GABRB1: variants seen among roughly 807,000 people sequenced by gnomAD.
GABRB1 encodes the protein gamma-aminobutyric acid receptor subunit beta-1.
A neutral mutation model predicts 51.6 loss-of-function variants in GABRB1; 17 were observed. That is an observed-to-expected ratio of 0.33 (90% CI 0.23 to 0.49). The LOEUF is 0.49. GABRB1 is among the 20% of genes least tolerant of loss of function. GABRB1 has a pLI of 0.99. For missense variants in GABRB1, 410 were observed against 600.6 expected (o/e 0.68, Z 3.32); for synonymous variants, 247 against 218.9 (o/e 1.13, Z -1.14).
intron 3 of GABRB1, among the ~76,000 whole-genome samples, chr4:47,157,414 A>C (rs1717754322): frequency 6.6e-6 from 1 of 152,172 alleles, no homozygotes; most frequent in Admixed American, 6.5e-5. Flanking sequence ...TTTCTACCTA[A>C]AAATAGAATC....
chr4:47,342,779 T>A (rs1192173714), intron 5 of GABRB1, among the ~76,000 whole-genome samples: 1 of 152,072 alleles, frequency 6.6e-6, no homozygotes, highest in Non-Finnish European at 1.5e-5. Flanking sequence ...TAAAGCAGCA[T>A]ATTAGATCCA....
At chr4:47,208,668 G>C (rs1354039511) in intron 4 of GABRB1, among the ~76,000 whole-genome samples, 1 of 152,050 alleles carries the variant, frequency 6.6e-6, no homozygotes, top group Non-Finnish European at 1.5e-5. Context: ...ATCAATAGTT[G>C]TGAAAGGCTC....
chr4:47,181,833 T>C (rs1333689354), intron 4 of GABRB1, among the ~76,000 whole-genome samples: 2 of 152,084 alleles, frequency 1.3e-5, no homozygotes, highest in Admixed American at 1.3e-4. Flanking sequence ...AGAATTTTCC[T>C]GCAAGCATCA....
At chr4:47,044,542 G>A (rs1726002281) in intron 3 of GABRB1, among the ~76,000 whole-genome samples, 1 of 151,874 alleles carries the variant, frequency 6.6e-6, no homozygotes, top group South Asian at 2.1e-4. Context: ...TGCTTTACCT[G>A]TTTCAGAGAG....
At position 47,267,300 on chromosome 4, in the gene GABRB1, A is replaced by G. The variant is rs567573624; in HGVS notation, c.462-52827A>G. Among the ~76,000 whole-genome samples, 78 of 152,228 alleles carry G rather than the reference A, an allele frequency of 5.1e-4. No homozygotes were observed. The South Asian group carries it at 0.016, about 31-fold the overall frequency. On this transcript the variant is annotated intron_variant, in intron 4 of 8. Transcript: ENST00000295454. Reference sequence around the variant, plus strand: ...GTATGTTGTTTTTAAAAGAACAACAAAAAAGAGTTCTTGGAAATTAAAAAT... The same window carrying G: ...GTATGTTGTTTTTAAAAGAACAACAGAAAAGAGTTCTTGGAAATTAAAAAT...
chr4:47,235,140 TTTG>T (rs1451684581), intron 4 of GABRB1, among the ~76,000 whole-genome samples: 1 of 152,198 alleles, frequency 6.6e-6, no homozygotes, highest in African/African-American at 2.4e-5. Context: ...TAACCAGTCC[TTTG>T]TTTCTGGTTC....
At chr4:47,393,086 A>G (rs1351659083) in intron 5 of GABRB1, among the ~76,000 whole-genome samples, 1 of 152,196 alleles carries the variant, frequency 6.6e-6, no homozygotes, top group Non-Finnish European at 1.5e-5. Context: ...ATCATAACTC[A>G]TGGATGGCTC....
At chr4:47,254,918 T>C (rs1312865356) in intron 4 of GABRB1, among the ~76,000 whole-genome samples, 2 of 152,244 alleles carry the variant, frequency 1.3e-5, no homozygotes, top group Admixed American at 6.5e-5. Context: ...GTCATGACAC[T>C]GCAGGAGAGA....
chr4:47,114,121 C>A (rs1715360479), intron 3 of GABRB1, among the ~76,000 whole-genome samples: 1 of 152,234 alleles, frequency 6.6e-6, no homozygotes, highest in Admixed American at 6.5e-5. Context: ...CCACCAGAAT[C>A]ATGCGTTATT....
At chr4:47,106,206 T>A (rs2109617492) in intron 3 of GABRB1, among the ~76,000 whole-genome samples, 1 of 152,218 alleles carries the variant, frequency 6.6e-6, no homozygotes, top group South Asian at 2.1e-4. Flanking sequence ...TGTTTTTATG[T>A]CCAGTTTACA....
chr4:47,191,581 G>T (rs1207780864), intron 4 of GABRB1, among the ~76,000 whole-genome samples: 1 of 152,090 alleles, frequency 6.6e-6, no homozygotes, highest in Non-Finnish European at 1.5e-5. Flanking sequence ...CTGTGGGTTT[G>T]TTCATTAATA....
intron 1 of GABRB1, among the ~76,000 whole-genome samples, chr4:46,996,643 G>A (rs943465071): frequency 6.6e-6 from 1 of 152,024 alleles, no homozygotes; most frequent in African/African-American, 2.4e-5. Flanking sequence ...CCAAACAGGC[G>A]AATGAATATT....
chr4:47,085,153 A>C (rs1000200438), intron 3 of GABRB1, among the ~76,000 whole-genome samples: 1 of 152,212 alleles, frequency 6.6e-6, no homozygotes, highest in East Asian at 1.9e-4. Context: ...GATGGACTTG[A>C]CATTGATAGA....
At chr4:47,362,108 C>T (rs1056704105) in intron 5 of GABRB1, among the ~76,000 whole-genome samples, 1 of 152,070 alleles carries the variant, frequency 6.6e-6, no homozygotes, top group African/African-American at 2.4e-5. Context: ...AGCAGGATGA[C>T]TAGGAGAAAA....
In GABRB1 at chr4:46,996,104, A is replaced by G. The variant is rs567846997; in HGVS notation, c.-20+2178A>G. 7.2e-4 allele frequency among the ~76,000 whole-genome samples: 109 copies of G among 151,736 alleles called. 2 individuals carry two copies. In the South Asian group the frequency reaches 0.022, roughly 31 times the overall value. Reference sequence around the variant, plus strand: ...TTTTTTTTAGAAATCTAACATTCTGAAAAGTTATAATTTACTTTAACTTAT... The same window carrying G: ...TTTTTTTTAGAAATCTAACATTCTGGAAAGTTATAATTTACTTTAACTTAT... On this transcript the variant is annotated intron_variant, in intron 1 of 3. Coordinates refer to the GABRB1 transcript ENST00000513567.
In GABRB1 at chr4:47,226,880, A is replaced by T. The variant is rs148165387; in HGVS notation, c.461+65411A>T. On this transcript the variant is annotated intron_variant, in intron 4 of 8. Coordinates refer to ENST00000295454, the MANE Select transcript of GABRB1 (RefSeq NM_000812.4). The stretch of plus-strand genomic sequence containing the variant: ...TCTGTTCAATACTAATAGCTAAAAC[A>T]TGTAACTAGGAGGGAAAGGAGCAGA... Among the ~76,000 whole-genome samples the T allele has an allele frequency of 1.3e-4, 20 of 152,302 alleles. No individual in the cohort carries two copies. The East Asian group carries it at 3.9e-3, about 29-fold the overall frequency.
At chr4:47,008,094 A>T (rs1724465790) in intron 1 of GABRB1, among the ~76,000 whole-genome samples, 1 of 151,984 alleles carries the variant, frequency 6.6e-6, no homozygotes, top group African/African-American at 2.4e-5. Context: ...AAGAGGAAAG[A>T]TTAGAGAAAT....
chr4:47,187,935 C>T (rs949876400), intron 4 of GABRB1, among the ~76,000 whole-genome samples: 14 of 151,978 alleles, frequency 9.2e-5, no homozygotes, highest in Non-Finnish European at 1.8e-4. Context: ...ACTTCATTCA[C>T]TTCCACCATG....
At chr4:47,123,966 AATGCACAC>A (rs1715995442) in intron 3 of GABRB1, among the ~76,000 whole-genome samples, 1 of 119,946 alleles carries the variant, frequency 8.3e-6, no homozygotes, top group Non-Finnish European at 1.6e-5. Context: ...TATATGTATA[AATGCACAC>A]ATGCACACAC....
Sources: allele counts gnomAD v4.1 joint callset (sites outside exome capture counted in the v4.1 genomes callset), GRCh38; gene constraint gnomAD v4.1.1; transcripts MANE v1.5; gene names NCBI Gene and HGNC (gene_info 2026-07-23, HGNC 2026-07-21).